Variants in ANXA8 observed in about 807,000 individuals in gnomAD.
The protein encoded by ANXA8 is annexin A8, also known as VAC-beta.
In ANXA8, 9 loss-of-function variants were observed where a neutral mutation model predicts 26.8. That is an observed-to-expected ratio of 0.34 (90% CI 0.20 to 0.59). The LOEUF (loss-of-function observed/expected upper bound fraction) is 0.59, where lower values mean the gene tolerates loss of function less well. ANXA8 is among the 20% of genes least tolerant of loss of function. ANXA8 has a pLI of 0.84. For missense variants in ANXA8, 83 were observed against 238.5 expected (o/e 0.35, Z 4.29); for synonymous variants, 39 against 94.8 (o/e 0.41, Z 3.42).
chr10:47,672,529 C>T, the ANXA8 span, among the ~76,000 whole-genome samples: 1 of 151,160 alleles, frequency 6.6e-6, no homozygotes, highest in Non-Finnish European at 1.5e-5. Flanking sequence ...ATATTTGCTC[C>T]CTATCATTGT....
At chr10:47,656,736 G>A in the ANXA8 span, among the ~76,000 whole-genome samples, 9 of 137,822 alleles carry the variant, frequency 6.5e-5, 1 homozygote, top group Admixed American at 5.3e-4. Context: ...TAAGTCACAC[G>A]GCTAAGCTGG....
the ANXA8 span, among the ~76,000 whole-genome samples, chr10:47,988,735 A>C: frequency 6.6e-6 from 1 of 151,134 alleles, no homozygotes; most frequent in Non-Finnish European, 1.5e-5. Context: ...AGGGAGCCTA[A>C]GGGGGCCCAG....
the ANXA8 span, among the ~76,000 whole-genome samples, chr10:47,743,076 C>A: frequency 7.2e-6 from 1 of 139,120 alleles, no homozygotes; most frequent in South Asian, 2.2e-4. Context: ...GAGGCTGAGG[C>A]AGGAGAATGG....
At chr10:47,572,663 G>A in the ANXA8 span, among the ~76,000 whole-genome samples, 2 of 143,642 alleles carry the variant, frequency 1.4e-5, no homozygotes, top group African/African-American at 5.3e-5. Flanking sequence ...GTTGCAGTGA[G>A]CTGACGTCAT....
chr10:47,674,463 T>C, the ANXA8 span, among the ~76,000 whole-genome samples: 11 of 151,622 alleles, frequency 7.3e-5, no homozygotes, highest in Admixed American at 4.7e-4. Context: ...ATTAAGGGGA[T>C]ATACTGTCAA....
chr10:47,778,729 T>C, the ANXA8 span, among the ~76,000 whole-genome samples: 1 of 152,014 alleles, frequency 6.6e-6, no homozygotes, highest in African/African-American at 2.4e-5. Flanking sequence ...ATCATATTTT[T>C]TATGAATAAA....
At chr10:47,743,277 T>C in the ANXA8 span, among the ~76,000 whole-genome samples, 138 of 92,250 alleles carry the variant, frequency 1.5e-3, 6 homozygotes, top group East Asian at 7.3e-3. Flanking sequence ...TATATATATA[T>C]ACACACATAT....
At chr10:47,724,007 C>G in the ANXA8 span, among the ~76,000 whole-genome samples, 175 of 130,814 alleles carry the variant, frequency 1.3e-3, 28 homozygotes, top group East Asian at 0.017. Flanking sequence ...AATTTTCATT[C>G]AGAACTATAT....
the ANXA8 span, among the ~76,000 whole-genome samples, chr10:47,495,244 T>C: frequency 2.8e-5 from 4 of 142,220 alleles, no homozygotes; most frequent in African/African-American, 2.6e-5. Flanking sequence ...CTGGGTCTGA[T>C]AGAAACATGG....
the ANXA8 span, among the ~76,000 whole-genome samples, chr10:47,592,507 T>A: frequency 1.3e-5 from 2 of 149,244 alleles, no homozygotes; most frequent in Admixed American, 1.3e-4. Context: ...GTCAACCCCT[T>A]CCCAGAGCTC....
chr10:47,508,044 G>A, the ANXA8 span, among the ~76,000 whole-genome samples: 3 of 132,046 alleles, frequency 2.3e-5, no homozygotes, highest in Non-Finnish European at 3.2e-5. Flanking sequence ...ACAAGTTTGC[G>A]CCACTATGCC....
the ANXA8 span, among the ~76,000 whole-genome samples, chr10:47,696,072 T>C: frequency 6.6e-6 from 1 of 151,722 alleles, no homozygotes; most frequent in Admixed American, 6.6e-5. Flanking sequence ...TGCCTTCTGG[T>C]CCTAAAAAAA....
At chr10:47,743,327 T>TATATATATATATATATATATAC in the ANXA8 span, among the ~76,000 whole-genome samples, 2 of 40,334 alleles carry the variant, frequency 5.0e-5, no homozygotes, top group Non-Finnish European at 1.1e-4. Context: ...TATATATATA[T>TATATATATATATATATATATAC]ACATATATAT....
the ANXA8 span, among the ~76,000 whole-genome samples, chr10:47,737,049 C>G: frequency 1.3e-5 from 2 of 149,642 alleles, no homozygotes; most frequent in East Asian, 2.0e-4. Flanking sequence ...TACCTTAGAC[C>G]ATTTTTATGT....
At chr10:47,618,074 G>C in the ANXA8 span, among the ~76,000 whole-genome samples, 1 of 110,118 alleles carries the variant, frequency 9.1e-6, no homozygotes, top group African/African-American at 3.6e-5. Context: ...AAAACTTATA[G>C]ATTAGCAGCC....
chr10:47,526,111 T>TTTA, the ANXA8 span, among the ~76,000 whole-genome samples: 2 of 121,804 alleles, frequency 1.6e-5, no homozygotes, highest in African/African-American at 6.3e-5. Flanking sequence ...TTACTTTTTA[T>TTTA]TTTTTTTTTT....
In ANXA8 at chr10:47,468,653, G is replaced by A; in HGVS notation, c.*194C>T. ...TGCTCACACTGGGAAATGACCTGGA[G>A]GAAGTTGGGAAGAGGAGTCCAGGCC... On this transcript the variant is annotated 3_prime_UTR_variant, in exon 12 of 12. Coordinates refer to ENST00000585281, the MANE Select transcript of ANXA8 (RefSeq NM_001040084.3). The A allele has an allele frequency of 1.1e-6, 1 of 873,410 alleles. No individual in the cohort carries two copies. Among genetic ancestry groups the A allele is most frequent in the South Asian group, 1.8e-5 (1 of 54,906 alleles). 54.1% of individuals were successfully genotyped at this position (873,410 alleles called of 1,614,324 possible). A position where few individuals can be genotyped will look rare whatever the true frequency, so the allele number is the denominator to read the frequency against.
At chr10:47,648,540 C>A in the ANXA8 span, among the ~76,000 whole-genome samples, 1 of 140,072 alleles carries the variant, frequency 7.1e-6, no homozygotes, top group South Asian at 2.1e-4. Context: ...TCATCATGGG[C>A]AGTGGTCATA....
At chr10:47,571,332 C>T in the ANXA8 span, among the ~76,000 whole-genome samples, 2 of 145,624 alleles carry the variant, frequency 1.4e-5, no homozygotes, top group East Asian at 4.0e-4. Flanking sequence ...TTCGCAAAGG[C>T]CTCATTGACC....
Sources: gnomAD v4.1 joint callset for allele counts (sites outside exome capture counted in the v4.1 genomes callset) on GRCh38, gnomAD v4.1.1 for gene constraint, MANE v1.5 for transcripts, NCBI Gene and HGNC (gene_info 2026-07-23, HGNC 2026-07-21) for gene names.